Variants in MTA3 observed in about 807,000 individuals in gnomAD.
MTA3 encodes the protein metastasis-associated protein MTA3.
A neutral mutation model predicts 83.5 loss-of-function variants in MTA3; 34 were observed. The ratio of observed to expected loss-of-function variants is 0.41; its 90% CI spans 0.31 to 0.54. The LOEUF is 0.54. MTA3 is among the 20% of genes least tolerant of loss of function. MTA3 has a pLI of 0.33. For synonymous variants in MTA3, 303 were observed against 252.7 expected, an observed-to-expected ratio of 1.20 and a Z score of -1.89; for missense variants, 761 against 726.4, an observed-to-expected ratio of 1.05 and a Z score of -0.55.
chr2:42,717,959 A>G (rs1028969795), intron 14 of MTA3, among the ~76,000 whole-genome samples: 9 of 152,228 alleles, frequency 5.9e-5, no homozygotes, highest in African/African-American at 2.2e-4. Context: ...GCTATAATGT[A>G]GAAATGCCAT....
intron 16 of MTA3, among the ~76,000 whole-genome samples, chr2:42,731,072 T>C (rs1668197214): frequency 1.3e-5 from 2 of 152,144 alleles, no homozygotes; most frequent in Admixed American, 6.5e-5. Context: ...TCATCTCTGA[T>C]TTTATTTGTG....
intron 12 of MTA3, among the ~76,000 whole-genome samples, chr2:42,705,876 TTAATA>T (rs1666037196): frequency 2.0e-5 from 3 of 152,360 alleles, no homozygotes; most frequent in East Asian, 1.9e-4. Flanking sequence ...AAATGTTATC[TTAATA>T]TAAGATTTAT....
chr2:42,723,366 G>T, intron 16 of MTA3: 1 of 219,998 alleles, frequency 4.5e-6, no homozygotes, highest in Non-Finnish European at 9.0e-6. Context: ...TGAGCAGAAG[G>T]GATTATTTTG....
chr2:42,704,254 A>G lies in MTA3; in HGVS notation c.1086A>G (p.Gly362=). Reference sequence around the variant, plus strand: ...ATGGGAAGCCTGGTGCTGTGAATGGAGCTGTGGGGACCACGTTCCAGCCTC... The same window carrying G: ...ATGGGAAGCCTGGTGCTGTGAATGGGGCTGTGGGGACCACGTTCCAGCCTC... ...TSNGKPGAVN[G]AVGTTFQPQN... Residue 362 remains glycine (G), a synonymous_variant, in exon 12 of 17, where the codon GGA becomes GGG. Coordinates refer to ENST00000405094, the MANE Select transcript of MTA3 (RefSeq NM_001330442.2). The G allele has an allele frequency of 6.2e-7, 1 of 1,613,972 alleles. No individual in the cohort carries two copies. Among genetic ancestry groups the G allele is most frequent in the Non-Finnish European group, 8.5e-7 (1 of 1,179,854 alleles).
Position 42,664,626 on chromosome 2 carries a change from C to T in MTA3, c.702+4764C>T, listed in dbSNP as rs115106382. On this transcript the variant is annotated intron_variant, in intron 8 of 16. Coordinates refer to ENST00000405094, the MANE Select transcript of MTA3 (RefSeq NM_001330442.2). ...CTCAGCCAGTAGCTGAGATTACAGGCGTCCGCCACCACTGCCGACTAATTA... is the reference window on the plus strand; with the variant it reads ...CTCAGCCAGTAGCTGAGATTACAGGTGTCCGCCACCACTGCCGACTAATTA... Among the ~76,000 whole-genome samples the T allele has an allele frequency of 7.2e-3, 1,100 of 152,000 alleles. 11 individuals are homozygous for T. The highest frequency in any genetic ancestry group is 0.025 in the African/African-American group (1,035 of 41,436).
At chr2:42,597,715 C>T (rs1343253862) in intron 3 of MTA3, among the ~76,000 whole-genome samples, 12 of 120,530 alleles carry the variant, frequency 1.0e-4, no homozygotes, top group Non-Finnish European at 1.9e-4. Context: ...GGGTCTTGCT[C>T]TGTTGCCCAG....
chr2:42,563,854 G>A (rs941015679), upstream of MTA3, among the ~76,000 whole-genome samples: 18 of 118,340 alleles, frequency 1.5e-4, no homozygotes, highest in Admixed American at 9.3e-4. Context: ...ATGGAGTTTC[G>A]CTCTTGTTGC....
At chr2:42,721,957 G>A (rs1362059944) in intron 15 of MTA3, among the ~76,000 whole-genome samples, 2 of 152,196 alleles carry the variant, frequency 1.3e-5, no homozygotes, top group Admixed American at 6.5e-5. Context: ...GGCAAGTGTG[G>A]GACTTTGACC....
intron 2 of MTA3, 141 bp from the exon 3 acceptor site, chr2:42,578,966 G>A: frequency 1.8e-6 from 1 of 565,204 alleles, no homozygotes. Context: ...GAATTTTTTA[G>A]CTCTGTGGTT....
At chr2:42,586,477 AACACACACACACACAC>A (rs573814961) in intron 3 of MTA3, among the ~76,000 whole-genome samples, 11 of 72,714 alleles carry the variant, frequency 1.5e-4, no homozygotes, top group Non-Finnish European at 2.7e-4. Context: ...AAGGAAGGAA[AACACACACACACACAC>A]ACACACACAC....
intron 2 of MTA3, among the ~76,000 whole-genome samples, chr2:42,570,968 G>C (rs1241441137): frequency 6.6e-6 from 1 of 151,704 alleles, no homozygotes; most frequent in East Asian, 1.9e-4. Context: ...AGCCAAGATT[G>C]TGCAATTGCA....
intron 8 of MTA3, chr2:42,680,165 A>G (rs1345489089): frequency 1.3e-5 from 2 of 152,972 alleles, no homozygotes; most frequent in East Asian, 3.9e-4. Flanking sequence ...GCAACTCCTA[A>G]GTGATGCTTT....
rs536090374 is a variant in MTA3 at position 42,651,705 on chromosome 2, G to A, written c.500-4495G>A. The stretch of plus-strand genomic sequence containing the variant: ...CCAGCTATTTTGGGAGGCTGAGGCC[G>A]GAGAATCACATAAGCCCAGGAGATT... On this transcript the variant is annotated intron_variant, in intron 6 of 16. Transcript: ENST00000405094. Among the ~76,000 whole-genome samples the A allele has an allele frequency of 4.6e-5, 7 of 152,076 alleles. No homozygotes were observed. The South Asian group carries it at 1.2e-3, about 27-fold the overall frequency.
intron 3 of MTA3, among the ~76,000 whole-genome samples, chr2:42,608,968 T>G (rs1000945530): frequency 2.6e-5 from 4 of 152,160 alleles, no homozygotes; most frequent in Non-Finnish European, 4.4e-5. Flanking sequence ...TAAGTTGGAA[T>G]TTTTCTTCTT....
At chr2:42,622,386 G>A (rs1325498681) in intron 4 of MTA3, among the ~76,000 whole-genome samples, 1 of 149,618 alleles carries the variant, frequency 6.7e-6, no homozygotes, top group Non-Finnish European at 1.5e-5. Context: ...GGCATGAGAG[G>A]GAGACCGTGG....
At chr2:42,641,750 C>G (rs1372981392) in intron 5 of MTA3, among the ~76,000 whole-genome samples, 1 of 152,092 alleles carries the variant, frequency 6.6e-6, no homozygotes, top group East Asian at 1.9e-4. Context: ...CCTGTAATCC[C>G]AGCTACTTGG....
chr2:42,710,519 C>G (rs1431832642), intron 14 of MTA3, among the ~76,000 whole-genome samples: 1 of 142,482 alleles, frequency 7.0e-6, no homozygotes, highest in Non-Finnish European at 1.5e-5. Context: ...CCATTGCGCT[C>G]CAGCCTGGGC....
intron 8 of MTA3, among the ~76,000 whole-genome samples, chr2:42,676,177 T>G (rs1048362600): frequency 1.4e-4 from 21 of 152,238 alleles, no homozygotes; most frequent in Non-Finnish European, 2.1e-4. Flanking sequence ...AAATGGTTCC[T>G]TCAGTGTTCA....
At chr2:42,695,915 G>A (rs912744772) in intron 10 of MTA3, 76 bp downstream of exon 10, 6 of 963,772 alleles carry the variant, frequency 6.2e-6, no homozygotes, top group Admixed American at 3.0e-5. Flanking sequence ...ATTTTTTGGC[G>A]ATGTACTACT....
Sources: gnomAD v4.1 joint callset for allele counts (sites outside exome capture counted in the v4.1 genomes callset) on GRCh38, gnomAD v4.1.1 for gene constraint, MANE v1.5 for transcripts, NCBI Gene and HGNC (gene_info 2026-07-23, HGNC 2026-07-21) for gene names.